The following ELOF1 variants were observed in gnomAD, a reference collection of about 807,000 sequenced individuals.
ELOF1 encodes transcription elongation factor 1 homolog.
A neutral mutation model predicts 7.1 loss-of-function variants in ELOF1; 4 were observed. That is an observed-to-expected ratio of 0.56 (90% CI 0.28 to 1.29). The LOEUF (loss-of-function observed/expected upper bound fraction) is 1.29. Among genes scored for constraint, ELOF1 ranks in the 50% most tolerant of loss-of-function variants. The pLI, the probability that ELOF1 is intolerant of heterozygous loss-of-function variation, is 0.10. For missense variants in ELOF1, 59 were observed against 86.3 expected (o/e 0.68, Z 1.25); for synonymous variants, 31 against 31.9 (o/e 0.97, Z 0.09).
chr19:11,553,550 T>C lies in ELOF1; in HGVS notation c.187+461A>G, dbSNP rs1353955846. 3.0e-5 allele frequency: 18 copies of C among 599,488 alleles called. No individual in the cohort carries two copies. The Admixed American group carries it at 4.4e-4, about 15-fold the overall frequency. The allele number at this position is 599,488 out of a possible 1,614,324, so 37.1% of individuals were successfully genotyped here. Reference sequence around the variant, plus strand: ...CACGTGCAGCCACACACACCCACACTCACTCACACCCACACCCACACGCAC... The same window carrying C: ...CACGTGCAGCCACACACACCCACACCCACTCACACCCACACCCACACGCAC... On this transcript the variant is annotated intron_variant, in intron 3 of 3. Coordinates refer to ENST00000586683, the Ensembl canonical transcript of ELOF1.
rs1363790210 is a variant in ELOF1 at position 11,554,088 on chromosome 19, C to T, written c.117-7G>A. On this transcript the variant is annotated splice_region_variant and splice_polypyrimidine_tract_variant and intron_variant, in intron 2 of 3. Transcript: ENST00000586683. Reference sequence around the variant, plus strand: ...GGTGTTGCGGGCACGGTCCCTGAAACAGACCAAGAGAAGGGACTGGTGAGC... The same window carrying T: ...GGTGTTGCGGGCACGGTCCCTGAAATAGACCAAGAGAAGGGACTGGTGAGC... 2 of 1,614,114 alleles carry T rather than the reference C, an allele frequency of 1.2e-6. No homozygotes were observed. The highest frequency in any genetic ancestry group is 1.1e-5 in the South Asian group (1 of 91,090).
intron 3 of ELOF1, chr19:11,553,588 CA>C (rs1972769669): frequency 1.4e-4 from 5 of 35,790 alleles, no homozygotes; most frequent in Non-Finnish European, 1.9e-4. Context: ...CCACTACACA[CA>C]CACACACACA....
chr19:11,555,170 T>C, intron 1 of ELOF1: 1 of 241,244 alleles, frequency 4.1e-6, no homozygotes, highest in South Asian at 3.2e-5. Flanking sequence ...GGCAGGAGAC[T>C]CACCTGAACC....
At chr19:11,557,171 G>C (rs994735268) in intron 1 of ELOF1, among the ~76,000 whole-genome samples, 1 of 152,074 alleles carries the variant, frequency 6.6e-6, no homozygotes, top group African/African-American at 2.4e-5. Flanking sequence ...TCCCATTCCA[G>C]AGGTCCTTCC....
chr19:11,554,123 T>C, intron 2 of ELOF1, 42 bp from the exon 3 acceptor site: 3 of 1,614,136 alleles, frequency 1.9e-6, no homozygotes, highest in Non-Finnish European at 2.5e-6. Context: ...CAATGCGTCC[T>C]GGGCCTGTGG....
At chr19:11,558,314 C>A (rs1042428087) in intron 1 of ELOF1, among the ~76,000 whole-genome samples, 1 of 152,024 alleles carries the variant, frequency 6.6e-6, no homozygotes, top group African/African-American at 2.4e-5. Flanking sequence ...CAGGGACCCA[C>A]CATGTTGCCC....
intron 1 of ELOF1, chr19:11,555,129 C>G: frequency 4.1e-6 from 1 of 244,430 alleles, no homozygotes; most frequent in Non-Finnish European, 8.4e-6. Flanking sequence ...TAGTGGCAGG[C>G]ACCCGTAACC....
Position 11,554,471 on chromosome 19 carries a change from C to G in ELOF1, c.-18-106G>C, listed in dbSNP as rs1236527039. On this transcript the variant is annotated intron_variant, in intron 1 of 3. Coordinates refer to ENST00000586683, the Ensembl canonical transcript of ELOF1. ...GAGGGTCTGGGACTTGCACCGTGGT[C>G]CCGGGGCCTCTGCCCTTGAGGGACG... The G allele has an allele frequency of 3.4e-6, 5 of 1,467,894 alleles. No homozygotes were observed. The East Asian group carries it at 1.2e-4, about 35-fold the overall frequency. The allele number at this position is 1,467,894 out of a possible 1,614,324, so 90.9% of individuals were successfully genotyped here. A position where few individuals can be genotyped will look rare whatever the true frequency, so the allele number is the denominator to read the frequency against.
At chr19:11,556,579 G>A (rs138387976) in intron 1 of ELOF1, among the ~76,000 whole-genome samples, 9,072 of 152,096 alleles carry the variant, frequency 0.06, 917 homozygotes, top group African/African-American at 0.21. Flanking sequence ...GATTACAGGC[G>A]TGAGCCACCA....
chr19:11,553,580 ACT>A (rs1972767898), intron 3 of ELOF1: 1 of 696,158 alleles, frequency 1.4e-6, no homozygotes, highest in East Asian at 3.1e-5. Flanking sequence ...ACGCACACCC[ACT>A]ACACACACAC....
intron 1 of ELOF1, among the ~76,000 whole-genome samples, chr19:11,556,392 C>T (rs557250515): frequency 3.4e-5 from 5 of 149,082 alleles, no homozygotes; most frequent in Middle Eastern, 3.7e-3. Context: ...CTCCACCTCC[C>T]GGCTTCAAAT....
At chr19:11,554,132 G>C (rs778038400) in intron 2 of ELOF1, 51 bp from the exon 3 acceptor site, 86 of 1,614,064 alleles carry the variant, frequency 5.3e-5, no homozygotes, top group Non-Finnish European at 7.1e-5. Flanking sequence ...CTGGGCCTGT[G>C]GGTGATGACG....
intron 1 of ELOF1, chr19:11,555,113 T>C: frequency 4.2e-6 from 1 of 235,778 alleles, no homozygotes; most frequent in Non-Finnish European, 8.8e-6. Flanking sequence ...AAAAATTAGC[T>C]GGCCATAGTG....
intron 1 of ELOF1, 175 bp from the exon 2 acceptor site, chr19:11,554,540 C>G (rs1239426916): frequency 1.1e-6 from 1 of 926,484 alleles, no homozygotes; most frequent in African/African-American, 1.7e-5. Context: ...CTGTCCCACT[C>G]TGGATGGAAG....
At chr19:11,558,511 G>T (rs937860900) in intron 1 of ELOF1, among the ~76,000 whole-genome samples, 1 of 152,006 alleles carries the variant, frequency 6.6e-6, no homozygotes, top group Non-Finnish European at 1.5e-5. Context: ...GGAGGCCCAG[G>T]TGGGAAGATC....
intron 3 of ELOF1, chr19:11,553,634 G>T: frequency 6.4e-6 from 6 of 940,724 alleles, no homozygotes; most frequent in South Asian, 1.6e-5. Flanking sequence ...CACACACACG[G>T]CTGTGACAGC....
At chr19:11,558,896 T>C (rs889557750) in intron 1 of ELOF1, 3 of 152,124 alleles carry the variant, frequency 2.0e-5, no homozygotes, top group African/African-American at 7.2e-5. Context: ...CAAAAGGGGA[T>C]GGCAGAGGAG....
At position 11,553,063 on chromosome 19, in the gene ELOF1, A is replaced by G. The variant is rs1251364803; in HGVS notation, c.188-8T>C. The stretch of plus-strand genomic sequence containing the variant: ...GCAAGGGATGTGCGCTGGCTGCTTT[A>G]TTTAAGGGCTTGTGATTGACAGCTG... On this transcript the variant is annotated splice_region_variant and splice_polypyrimidine_tract_variant and intron_variant, in intron 3 of 3. Transcript: ENST00000586683. The G allele has an allele frequency of 6.0e-5, 24 of 399,850 alleles. No homozygotes were observed. In the East Asian group the frequency reaches 8.5e-4, roughly 14 times the overall value. 24.8% of individuals were successfully genotyped at this position (399,850 alleles called of 1,614,324 possible).
rs773964581 is a variant in ELOF1 at position 11,553,954 on chromosome 19, G to A, written c.187+57C>T. On this transcript the variant is annotated intron_variant, in intron 3 of 3. Coordinates refer to ENST00000586683, the Ensembl canonical transcript of ELOF1. ...GCACACAGTGGGCCAGATGAGCAGG[G>A]TCCGGACTCCAGCCCCCTCCCCACC... is the stretch of plus-strand genomic sequence containing the variant. The A allele has an allele frequency of 5.6e-6, 9 of 1,612,758 alleles. No homozygotes were observed. In the East Asian group the frequency reaches 1.8e-4, roughly 32 times the overall value.
Sources: allele counts gnomAD v4.1 joint callset (sites outside exome capture counted in the v4.1 genomes callset), GRCh38; gene constraint gnomAD v4.1.1; transcripts MANE v1.5; gene names NCBI Gene and HGNC (gene_info 2026-07-23, HGNC 2026-07-21).